The following MPZL3 variants were observed in gnomAD, a reference collection of about 807,000 sequenced individuals.
The protein encoded by MPZL3 is myelin protein zero-like protein 3.
Under a neutral mutation model 24.8 loss-of-function variants are expected in MPZL3, and 23 were observed. The ratio of observed to expected loss-of-function variants is 0.93; its 90% CI spans 0.67 to 1.31. MPZL3 has a LOEUF of 1.31. MPZL3 is among the 40% of genes most tolerant of loss of function. The pLI is 0.00. For missense variants in MPZL3, 277 were observed against 294.9 expected, an observed-to-expected ratio of 0.94 and a Z score of 0.44; for synonymous variants, 99 against 106.5, an observed-to-expected ratio of 0.93 and a Z score of 0.44.
chr11:118,232,930 G>A (rs986058550), intron 5 of MPZL3, among the ~76,000 whole-genome samples: 11 of 152,040 alleles, frequency 7.2e-5, no homozygotes, highest in Non-Finnish European at 4.4e-5. Context: ...CTCCTAATTG[G>A]ACTCTCTGAT....
chr11:118,233,548 C>A (rs760548545), intron 4 of MPZL3, 25 bp from the exon 5 acceptor site: 1 of 1,611,494 alleles, frequency 6.2e-7, no homozygotes, highest in East Asian at 2.2e-5. Context: ...CAAACCAAAT[C>A]TGAATCACCA....
intron 3 of MPZL3, 101 bp downstream of exon 3, chr11:118,236,949 G>T: frequency 9.8e-7 from 1 of 1,023,172 alleles, no homozygotes; most frequent in Non-Finnish European, 1.5e-6. Flanking sequence ...TGACCCAACT[G>T]GCTTACAAAG....
chr11:118,244,672 A>AG (rs900436874), intron 1 of MPZL3, among the ~76,000 whole-genome samples: 1 of 152,264 alleles, frequency 6.6e-6, no homozygotes, highest in African/African-American at 2.4e-5. Context: ...AAAACAGACC[A>AG]GGCAGGACCT....
intron 4 of MPZL3, 87 bp downstream of exon 4, chr11:118,235,337 A>G: frequency 4.1e-6 from 6 of 1,458,050 alleles, no homozygotes; most frequent in Non-Finnish European, 4.6e-6. Context: ...AACTCGGTCC[A>G]GAAGAAAGGA....
At chr11:118,252,126 G>C (rs769218752) in intron 1 of MPZL3, 96 bp downstream of exon 1, 82 of 1,231,160 alleles carry the variant, frequency 6.7e-5, no homozygotes, top group Non-Finnish European at 9.3e-5. Flanking sequence ...AGCTATGCGG[G>C]GGCTTTCTGG....
intron 1 of MPZL3, among the ~76,000 whole-genome samples, chr11:118,244,670 C>T (rs1949537033): frequency 6.6e-6 from 1 of 152,312 alleles, no homozygotes; most frequent in Middle Eastern, 3.4e-3. Context: ...AAAAAACAGA[C>T]CAGGCAGGAC....
At chr11:118,249,679 G>T (rs1467842263) in intron 1 of MPZL3, among the ~76,000 whole-genome samples, 1 of 151,812 alleles carries the variant, frequency 6.6e-6, no homozygotes, top group Non-Finnish European at 1.5e-5. Flanking sequence ...CAAATCTACT[G>T]ATATTTTATT....
rs1949410719 is a variant in MPZL3, at chr11:118,235,433, A to T, written c.608T>A (p.Val203Asp). The change falls in exon 4 of 6, where the codon GTT (valine) becomes GAT (aspartate). Residue 203 changes from valine to aspartate, a missense_variant. By Grantham distance (152) the Val-to-Asp change is radical. Coordinates refer to ENST00000278949, the MANE Select transcript of MPZL3 (RefSeq NM_198275.3). ...RSGYKKSSIE[V>D]SDDTDQEEEE... ...CTCCTGCTGGACTTACTCATCGGAA[A>T]CCTCAATAGATGACTTCTTATAGCC... The T allele has an allele frequency of 2.5e-6, 4 of 1,613,568 alleles. No individual in the cohort carries two copies. Among genetic ancestry groups the T allele is most frequent in the Non-Finnish European group, 3.4e-6 (4 of 1,179,746 alleles).
At position 118,228,224 on chromosome 11, in the gene MPZL3, G is replaced by C. The variant is rs1405042011; in HGVS notation, c.*1670C>G. On this transcript the variant is annotated 3_prime_UTR_variant, in exon 6 of 6. Coordinates refer to ENST00000278949, the MANE Select transcript of MPZL3 (RefSeq NM_198275.3). ...TAACAACCCAAATTTTTTAAATTAA[G>C]TCTTCAAAAAAAAAAGAAAGAAGTT... 6.8e-6 allele frequency: 1 copy of C among 147,342 alleles called. No homozygotes were observed. The highest frequency in any genetic ancestry group is 2.7e-5 in the African/African-American group (1 of 37,082). The allele number at this position is 147,342 out of a possible 1,614,324, so 9.1% of individuals were successfully genotyped here. A position where few individuals can be genotyped will look rare whatever the true frequency, so the allele number is the denominator to read the frequency against.
chr11:118,234,382 G>T (rs1383322563), intron 4 of MPZL3, among the ~76,000 whole-genome samples: 1 of 152,156 alleles, frequency 6.6e-6, no homozygotes, highest in African/African-American at 2.4e-5. Context: ...AAGAGAAGGG[G>T]CTATTTCAGC....
rs1565489481 is a variant in MPZL3, at chr11:118,228,281, T to C, written c.*1613A>G. On this transcript the variant is annotated 3_prime_UTR_variant, in exon 6 of 6. Transcript: ENST00000278949. ...GAGAAAAGTGATTTTTAAACTAACA[T>C]ATACAGTCTGAAGCGCTGTAATATG... 3.3e-5 allele frequency: 5 copies of C among 152,030 alleles called. No individual in the cohort carries two copies. The highest frequency in any genetic ancestry group is 2.1e-4 in the South Asian group (1 of 4,826). The allele number at this position is 152,030 out of a possible 1,614,324, so 9.4% of individuals were successfully genotyped here.
At chr11:118,238,136 CA>C (rs61300443) in intron 2 of MPZL3, among the ~76,000 whole-genome samples, 102,657 of 147,410 alleles carry the variant, frequency 0.7, 35,599 homozygotes, top group South Asian at 0.83. Flanking sequence ...GACTCCGCCT[CA>C]AAAAAAAAAG....
intron 3 of MPZL3, 115 bp downstream of exon 3, chr11:118,236,935 T>G: frequency 1.2e-6 from 1 of 837,940 alleles, no homozygotes; most frequent in Non-Finnish European, 1.9e-6. Flanking sequence ...ATTCAATGAT[T>G]TAATGACCCA....
At chr11:118,233,572 A>G (rs1446471718) in intron 4 of MPZL3, 49 bp from the exon 5 acceptor site, 6 of 1,585,178 alleles carry the variant, frequency 3.8e-6, no homozygotes, top group Non-Finnish European at 5.2e-6. Flanking sequence ...TCCTCAATAG[A>G]GTAGAGCAGT....
chr11:118,241,204 C>T (rs763977726), intron 1 of MPZL3, among the ~76,000 whole-genome samples: 1 of 152,238 alleles, frequency 6.6e-6, no homozygotes, highest in Non-Finnish European at 1.5e-5. Flanking sequence ...TCTTTCCCTA[C>T]AGGGGCATAT....
intron 1 of MPZL3, among the ~76,000 whole-genome samples, chr11:118,250,292 T>A (rs913656502): frequency 6.6e-6 from 1 of 150,742 alleles, no homozygotes; most frequent in African/African-American, 2.4e-5. Context: ...CCCAAAGTGC[T>A]AGGATTACAG....
chr11:118,240,783 A>ACACACTCTCT (rs1418485892), intron 1 of MPZL3, among the ~76,000 whole-genome samples: 4 of 140,548 alleles, frequency 2.8e-5, no homozygotes, highest in African/African-American at 8.0e-5. Context: ...ACACACACAC[A>ACACACTCTCT]CTCTGGGAAT....
chr11:118,249,967 A>G (rs893379045), intron 1 of MPZL3, among the ~76,000 whole-genome samples: 4 of 151,450 alleles, frequency 2.6e-5, no homozygotes, highest in Non-Finnish European at 4.4e-5. Flanking sequence ...CCAAAAGCAC[A>G]TATTGTGTAA....
At position 118,243,544 on chromosome 11, in the gene MPZL3, G is replaced by A. The variant is rs542044464; in HGVS notation, c.74-3167C>T. Among the ~76,000 whole-genome samples the A allele has an allele frequency of 1.7e-3, 265 of 152,236 alleles. 1 individual carries two copies. Among genetic ancestry groups the A allele is most frequent in the African/African-American group, 5.6e-3 (234 of 41,542 alleles). On this transcript the variant is annotated intron_variant, in intron 1 of 5. Transcript: ENST00000278949. ...AGCACTTTGGGAGGCCGAGGCAGGGGGATCACATGAGGCCAGGAGTTCAAG... is the reference window on the plus strand; with the variant it reads ...AGCACTTTGGGAGGCCGAGGCAGGGAGATCACATGAGGCCAGGAGTTCAAG...
Sources: gnomAD v4.1 joint callset for allele counts (sites outside exome capture counted in the v4.1 genomes callset) on GRCh38, gnomAD v4.1.1 for gene constraint, MANE v1.5 for transcripts, NCBI Gene and HGNC (gene_info 2026-07-23, HGNC 2026-07-21) for gene names.